Variants in RNF207 observed in about 807,000 individuals in gnomAD.
RNF207 encodes OTTHUMG00000001089.
RNF207 carries 72 observed loss-of-function variants against 79.0 expected under a neutral mutation model. The ratio of observed to expected loss-of-function variants is 0.91; its 90% CI spans 0.75 to 1.11. The LOEUF (loss-of-function observed/expected upper bound fraction) is 1.11. Ranked by LOEUF, RNF207 falls within the 50% of genes least tolerant of loss-of-function variation. The pLI is 0.00. For synonymous variants in RNF207, 348 were observed against 366.2 expected (o/e 0.95, Z 0.57); for missense variants, 936 against 855.8 (o/e 1.09, Z -1.17).
rs533287398 is a variant in RNF207 at position 6,220,444 on chromosome 1, C to A, written c.*1037C>A. 8 of 152,322 alleles carry A rather than the reference C, an allele frequency of 5.3e-5. No individual in the cohort carries two copies. The highest frequency in any genetic ancestry group is 3.9e-4 in the Admixed American group (6 of 15,292). The allele number at this position is 152,322 out of a possible 1,614,324, so 9.4% of individuals were successfully genotyped here. A position where few individuals can be genotyped will look rare whatever the true frequency, so the allele number is the denominator to read the frequency against. ...TGCCCTATTGCAAAGGAATCCAGTT[C>A]CTCCGGAATAACAGTCCCACTGTTA... On this transcript the variant is annotated 3_prime_UTR_variant, in exon 18 of 18. Coordinates refer to ENST00000377939, the MANE Select transcript of RNF207 (RefSeq NM_207396.3).
At chr1:6,218,234 C>G in intron 16 of RNF207, 55 bp from the exon 17 acceptor site, 1 of 1,242,690 alleles carries the variant, frequency 8.0e-7, no homozygotes, top group South Asian at 1.2e-5. Flanking sequence ...GAGCTTAAGG[C>G]CGTGCAGCAG....
At chr1:6,210,018 T>C in intron 8 of RNF207, 48 bp downstream of exon 8, 2 of 1,524,542 alleles carry the variant, frequency 1.3e-6, no homozygotes, top group South Asian at 2.5e-5. Flanking sequence ...TTGGCCTCCA[T>C]GGCCTCAGCT....
In RNF207 at chr1:6,208,974, C is replaced by A; in HGVS notation, c.418C>A (p.His140Asn). The change falls in exon 4 of 18, where the codon CAC becomes AAC. Residue 140 changes from histidine to asparagine, a missense_variant. Physicochemically the swap from His to Asn is moderately conservative, Grantham distance 68 (BLOSUM62 1). Coordinates refer to ENST00000377939, the MANE Select transcript of RNF207 (RefSeq NM_207396.3). ...GCACCGAGCACGCATGTTCGCGCGC[C>A]ACGACATCGTGGCCCTGGGTCAGCG... ...ETHRARMFAR[H>N]DIVALGQRSR... 2 of 1,537,526 alleles carry A rather than the reference C, an allele frequency of 1.3e-6. No homozygotes were observed. The highest frequency in any genetic ancestry group is 1.7e-6 in the Non-Finnish European group (2 of 1,145,912).
rs754143008 is a variant in RNF207, at chr1:6,207,458, G to T, written c.271G>T (p.Asp91Tyr). The change falls in exon 3 of 18, where the codon GAT becomes TAT. Residue 91 changes from aspartate to tyrosine, a missense_variant. Coordinates refer to ENST00000377939, the MANE Select transcript of RNF207 (RefSeq NM_207396.3). This position sits in a 1 kb window ranked among gnomAD's most constrained non-coding sequence, Gnocchi z 4.5. ...LLQFLVDSSG[D>Y]GVEAVRCANC... ...GCAGTTCCTGGTGGACAGCTCAGGG[G>T]ATGGCGTGGAGGCGGTGCGCTGTGC... is the stretch of plus-strand genomic sequence containing the variant. 1.9e-6 allele frequency: 3 copies of T among 1,584,574 alleles called. No individual in the cohort carries two copies. Among genetic ancestry groups the T allele is most frequent in the African/African-American group, 2.7e-5 (2 of 74,692 alleles).
At chr1:6,208,629 C>A (rs1304635791) in intron 3 of RNF207, 1 of 517,676 alleles carries the variant, frequency 1.9e-6, no homozygotes, top group Non-Finnish European at 3.4e-6. Flanking sequence ...TTTATAAAGG[C>A]AGTTTCTGCC....
Position 6,209,400 on chromosome 1 carries a change from C to T in RNF207, c.628-14C>T. Reference sequence around the variant, plus strand: ...GCGGCGGCGATCGCGAGCCTGACCACGCCCTGTCCCCAGGCCGTGAAGGCC... The same window carrying T: ...GCGGCGGCGATCGCGAGCCTGACCATGCCCTGTCCCCAGGCCGTGAAGGCC... On this transcript the variant is annotated splice_polypyrimidine_tract_variant and intron_variant, in intron 6 of 17. Coordinates refer to ENST00000377939, the MANE Select transcript of RNF207 (RefSeq NM_207396.3). The T allele has an allele frequency of 1.3e-6, 2 of 1,523,698 alleles. No individual in the cohort carries two copies. Among genetic ancestry groups the T allele is most frequent in the Non-Finnish European group, 1.8e-6 (2 of 1,140,584 alleles). 94.4% of individuals were successfully genotyped at this position (1,523,698 alleles called of 1,614,324 possible). A position where few individuals can be genotyped will look rare whatever the true frequency, so the allele number is the denominator to read the frequency against.
rs1345701738 is a variant in RNF207, at chr1:6,206,356, C to T, written c.-1+54C>T. 4 of 581,544 alleles carry T rather than the reference C, an allele frequency of 6.9e-6. No individual in the cohort carries two copies. In the Admixed American group the frequency reaches 1.2e-4, roughly 18 times the overall value. The allele number at this position is 581,544 out of a possible 1,614,324, so 36.0% of individuals were successfully genotyped here. A position where few individuals can be genotyped will look rare whatever the true frequency, so the allele number is the denominator to read the frequency against. ...TCCTCACTGCCTGTTCTCCCTGCGCCGGGGAGCTCCAGGCCCCAGCCCTAA... is the reference window on the plus strand; with the variant it reads ...TCCTCACTGCCTGTTCTCCCTGCGCTGGGGAGCTCCAGGCCCCAGCCCTAA... On this transcript the variant is annotated intron_variant, in intron 1 of 17. Transcript: ENST00000377939.
chr1:6,208,959 C>T lies in RNF207; in HGVS notation c.403C>T (p.Arg135Cys). The T allele has an allele frequency of 5.2e-6, 8 of 1,536,576 alleles. No homozygotes were observed. Among genetic ancestry groups the T allele is most frequent in the Non-Finnish European group, 7.0e-6 (8 of 1,145,852 alleles). Residue 135 changes from arginine (R) to cysteine (C), a missense_variant, in exon 4 of 18, where the codon CGC (arginine) becomes TGC (cysteine). Physicochemically the swap from Arg to Cys is radical, Grantham distance 180 (BLOSUM62 -3). Coordinates refer to ENST00000377939, the MANE Select transcript of RNF207 (RefSeq NM_207396.3). ...ARCRDETHRA[R>C]MFARHDIVAL... ...CTGCCGCGACGAGACGCACCGAGCA[C>T]GCATGTTCGCGCGCCACGACATCGT... is the stretch of plus-strand genomic sequence containing the variant.
Position 6,211,134 on chromosome 1 carries a change from G to A in RNF207, c.1109+16G>A, listed in dbSNP as rs1668149582. ...GTGCTAACACGTGAGCAGCAACCGG[G>A]GAGGCCAGGCACAAGGTCCCCAACA... On this transcript the variant is annotated intron_variant, in intron 12 of 17. Transcript: ENST00000377939. The surrounding 1 kb of genome is among the most constrained non-coding windows in gnomAD (Gnocchi z 4.2). 2 of 1,550,956 alleles carry A rather than the reference G, an allele frequency of 1.3e-6. No individual in the cohort carries two copies. The highest frequency in any genetic ancestry group is 3.6e-5 in the Admixed American group (2 of 55,112).
Position 6,209,001 on chromosome 1 carries a change from A to G in RNF207, c.445A>G (p.Ser149Gly), listed in dbSNP as rs1322873602. 7.5e-6 allele frequency: 11 copies of G among 1,462,318 alleles called. No individual in the cohort carries two copies. Among genetic ancestry groups the G allele is most frequent in the Non-Finnish European group, 1.0e-5 (11 of 1,101,310 alleles). 90.6% of individuals were successfully genotyped at this position (1,462,318 alleles called of 1,614,324 possible). A position where few individuals can be genotyped will look rare whatever the true frequency, so the allele number is the denominator to read the frequency against. ...CGACATCGTGGCCCTGGGTCAGCGA[A>G]GCCGCGACGTGCCCCAGAAGTGCAG... ...RHDIVALGQRSRDVPQKCTLH... is the reference protein window; with the variant it reads ...RHDIVALGQRGRDVPQKCTLH... The change falls in exon 4 of 18, where the codon AGC becomes GGC. Residue 149 changes from serine to glycine, a missense_variant. By Grantham distance (56) the Ser-to-Gly change is moderately conservative. Coordinates refer to ENST00000377939, the MANE Select transcript of RNF207 (RefSeq NM_207396.3).
At chr1:6,208,047 AC>A in intron 3 of RNF207, 1 of 277,848 alleles carries the variant, frequency 3.6e-6, no homozygotes, top group Non-Finnish European at 7.3e-6. Context: ...ACCCAGACGT[AC>A]AGAGAGGATT....
In RNF207 at chr1:6,206,877, C is replaced by T. The variant is rs1571196587; in HGVS notation, c.191+151C>T. ...GATACTGCACCCGGTCCTTAGCTCT[C>T]CCCGCCAGAAGTTGCAGGCTTCGGT... On this transcript the variant is annotated intron_variant, in intron 2 of 17. Transcript: ENST00000377939. 1.4e-5 allele frequency: 9 copies of T among 646,206 alleles called. No individual in the cohort carries two copies. In the South Asian group the frequency reaches 1.6e-4, roughly 11 times the overall value. 40.0% of individuals were successfully genotyped at this position (646,206 alleles called of 1,614,324 possible). A position where few individuals can be genotyped will look rare whatever the true frequency, so the allele number is the denominator to read the frequency against.
intron 3 of RNF207, 131 bp from the exon 4 acceptor site, chr1:6,208,750 G>T: frequency 1.1e-6 from 1 of 933,290 alleles, no homozygotes; most frequent in Non-Finnish European, 1.5e-6. Context: ...CTGGATTACA[G>T]GAAAGGGCTG....
chr1:6,218,651 A>G (rs957073783), intron 17 of RNF207, among the ~76,000 whole-genome samples: 2 of 152,216 alleles, frequency 1.3e-5, no homozygotes, highest in South Asian at 4.1e-4. Flanking sequence ...TGGGAGCTGC[A>G]CGTGCTTATG....
At chr1:6,219,064 C>T (rs1346365740) in intron 17 of RNF207, among the ~76,000 whole-genome samples, 172 bp from the exon 18 acceptor site, 1 of 152,120 alleles carries the variant, frequency 6.6e-6, no homozygotes, top group Non-Finnish European at 1.5e-5. Flanking sequence ...GGGATGGGCT[C>T]CTACTCAGAA....
intron 10 of RNF207, 29 bp from the exon 11 acceptor site, chr1:6,210,841 C>T (rs1257377897): frequency 6.4e-7 from 1 of 1,570,760 alleles, no homozygotes; most frequent in South Asian, 1.2e-5. Context: ...CACACCTCCA[C>T]CGGCCTGAGG....
At chr1:6,216,584 C>T (rs947055325) in intron 16 of RNF207, among the ~76,000 whole-genome samples, 7 of 149,972 alleles carry the variant, frequency 4.7e-5, no homozygotes, top group African/African-American at 1.7e-4. Context: ...TTTTTGAGAC[C>T]GAGTCTCGCT....
intron 16 of RNF207, 125 bp from the exon 17 acceptor site, chr1:6,218,164 A>G (rs1345202908): frequency 4.9e-5 from 32 of 657,774 alleles, no homozygotes; most frequent in Non-Finnish European, 5.4e-6. Flanking sequence ...TTTGAGGAGC[A>G]AAAGAATGAA....
At chr1:6,218,264 A>G (rs765635744) in intron 16 of RNF207, 25 bp from the exon 17 acceptor site, 3 of 1,588,806 alleles carry the variant, frequency 1.9e-6, no homozygotes, top group East Asian at 4.5e-5. Flanking sequence ...CTCCCTTGAG[A>G]TTCTGGTGCC....
Sources: allele counts gnomAD v4.1 joint callset (sites outside exome capture counted in the v4.1 genomes callset), GRCh38; gene constraint gnomAD v4.1.1; non-coding constraint Gnocchi (gnomAD v3.1); transcripts MANE v1.5; gene names NCBI Gene and HGNC (gene_info 2026-07-23, HGNC 2026-07-21).